The following TTYH2 variants were observed in gnomAD, a reference collection of about 807,000 sequenced individuals.
TTYH2 encodes the protein protein tweety homolog 2.
TTYH2 carries 49 observed loss-of-function variants against 68.3 expected under a neutral mutation model. That is an observed-to-expected ratio of 0.72 (90% CI 0.57 to 0.91). The LOEUF (loss-of-function observed/expected upper bound fraction) is 0.91, where lower values mean the gene tolerates loss of function less well. Among genes scored for constraint, TTYH2 ranks in the 40% least tolerant of loss-of-function variants. TTYH2 has a pLI of 0.00. For missense variants in TTYH2, 631 were observed against 700.4 expected (o/e 0.90, Z 1.12); for synonymous variants, 272 against 300.8 (o/e 0.90, Z 0.99).
At chr17:74,249,888 TCCTGGGAGACGGAGCCTCACTGTGGGG>T (rs2050601410) in intron 8 of TTYH2, 21 bp from the exon 9 acceptor site, 1 of 1,484,862 alleles carries the variant, frequency 6.7e-7, no homozygotes, top group South Asian at 1.1e-5. Flanking sequence ...ACTGTGGGGC[TCCTGGGAGACGGAGCCTCACTGTGGGG>T]CTGTGTCTTT....
intron 10 of TTYH2, chr17:74,251,973 C>T (rs765513951): frequency 2.1e-6 from 1 of 481,910 alleles, no homozygotes; most frequent in Non-Finnish European, 3.8e-6. Flanking sequence ...CTGCAACCTC[C>T]TCCGCCCTGT....
chr17:74,223,397 A>C (rs1652394838), intron 2 of TTYH2, among the ~76,000 whole-genome samples: 1 of 152,012 alleles, frequency 6.6e-6, no homozygotes, highest in African/African-American at 2.4e-5. Context: ...AAGTGCTGGG[A>C]TTACAGGCGT....
At chr17:74,253,355 C>A in intron 12 of TTYH2, 89 bp downstream of exon 12, 1 of 1,451,060 alleles carries the variant, frequency 6.9e-7, no homozygotes, top group Non-Finnish European at 9.1e-7. Context: ...GGGAGGAAGG[C>A]ATCCAAGGCC....
rs2050504277 is a variant in TTYH2 at position 74,241,832 on chromosome 17, A to G, written c.636-1542A>G. ...GTCCACTCTCCCGCTGGTGCCCAGC[A>G]CAGGGTAAAGGGCATGGCTGCCAGG... On this transcript the variant is annotated intron_variant, in intron 4 of 13. Transcript: ENST00000269346. This position sits in a 1 kb window ranked among gnomAD's most constrained non-coding sequence, Gnocchi z 4.1. 6.6e-6 allele frequency among the ~76,000 whole-genome samples: 1 copy of G among 152,240 alleles called. No homozygotes were observed. Among genetic ancestry groups the G allele is most frequent in the African/African-American group, 2.4e-5 (1 of 41,464 alleles).
At position 74,260,262 on chromosome 17, in the gene TTYH2, C is replaced by CA. The variant is rs1017546977; in HGVS notation, c.*56dup. 2 of 1,556,320 alleles carry CA rather than the reference C, an allele frequency of 1.3e-6. No homozygotes were observed. The highest frequency in any genetic ancestry group is 2.7e-5 in the African/African-American group (2 of 73,646). On this transcript the variant is annotated 3_prime_UTR_variant, in exon 14 of 14. Transcript: ENST00000269346. The stretch of plus-strand genomic sequence containing the variant: ...TTTCCGTTCTGGTTTTTAATTAGTG[C>CA]AAATACAAGCTGCGTTTCTTTAATA...
Position 74,260,649 on chromosome 17 carries a change from G to A in TTYH2, c.*440G>A, listed in dbSNP as rs543410463. On this transcript the variant is annotated 3_prime_UTR_variant, in exon 14 of 14. Coordinates refer to ENST00000269346, the MANE Select transcript of TTYH2 (RefSeq NM_032646.6). Reference sequence around the variant, plus strand: ...GAGCCCAGACGACCCCTCTGTCCTCGTTCCCTGTCCTCGTTCCCTGCAGGT... The same window carrying A: ...GAGCCCAGACGACCCCTCTGTCCTCATTCCCTGTCCTCGTTCCCTGCAGGT... 2.9e-5 allele frequency: 6 copies of A among 205,922 alleles called. 1 individual carries two copies. The highest frequency in any genetic ancestry group is 1.8e-4 in the South Asian group (2 of 11,018). 12.8% of individuals were successfully genotyped at this position (205,922 alleles called of 1,614,324 possible).
chr17:74,260,002 G>T (rs148393475), intron 13 of TTYH2, 127 bp from the exon 14 acceptor site: 2 of 779,588 alleles, frequency 2.6e-6, no homozygotes, highest in Non-Finnish European at 4.5e-6. Context: ...TGGATGTGGG[G>T]TGGAGGCACG....
rs780100468 is a variant in TTYH2, at chr17:74,253,779, G to A, written c.1470G>A (p.Arg490=). Residue 490 remains arginine (R), a synonymous_variant, in exon 13 of 14, where the codon AGG becomes AGA. Transcript: ENST00000269346. The part of the protein sequence containing the change: ...EYMNQAMLFG[R]NPRYENVPLI... The stretch of plus-strand genomic sequence containing the variant: ...GGAACCAAGCCATGCTCTTTGGTAG[G>A]AACCCACGCTACGAGAACGTGCCAC... 1 of 1,614,154 alleles carries A rather than the reference G, an allele frequency of 6.2e-7. No individual in the cohort carries two copies. Among genetic ancestry groups the A allele is most frequent in the Non-Finnish European group, 8.5e-7 (1 of 1,180,038 alleles).
At position 74,243,313 on chromosome 17, in the gene TTYH2, G is replaced by A. The variant is rs7223898; in HGVS notation, c.636-61G>A. ...CAGGGCTGCCGTGCAGGCCTCTCAC[G>A]TGGCCAGCAGGTCAGAAGTTCCACC... is the stretch of plus-strand genomic sequence containing the variant. On this transcript the variant is annotated intron_variant, in intron 4 of 13. Transcript: ENST00000269346. The A allele has an allele frequency of 5.2e-3, 7,441 of 1,425,602 alleles. 203 individuals are homozygous for A. In the African/African-American group the frequency reaches 0.066, roughly 13 times the overall value. The allele number at this position is 1,425,602 out of a possible 1,614,324, so 88.3% of individuals were successfully genotyped here.
intron 1 of TTYH2, among the ~76,000 whole-genome samples, chr17:74,219,138 AC>A (rs2050250001): frequency 6.6e-6 from 1 of 151,372 alleles, no homozygotes; most frequent in Non-Finnish European, 1.5e-5. Context: ...AATCACTTGA[AC>A]CTGGGAGGCG....
intron 2 of TTYH2, among the ~76,000 whole-genome samples, chr17:74,227,987 T>TC (rs1048607080): frequency 1.3e-4 from 19 of 142,388 alleles, no homozygotes; most frequent in Non-Finnish European, 2.7e-4. Flanking sequence ...TTCTTTCTTT[T>TC]TTTTTTTTTT....
rs1297590504 is a variant in TTYH2, at chr17:74,232,609, AG to A, written c.414+1613del. Among the ~76,000 whole-genome samples, 1 of 152,020 alleles carries A rather than the reference AG, an allele frequency of 6.6e-6. No homozygotes were observed. The highest frequency in any genetic ancestry group is 1.5e-5 in the Non-Finnish European group (1 of 67,954). ...CCCTTGCCCCAGGCCCTGGTGGGGA[AG>A]GGCCCCATGGTCACTGCCCTCTAGG... On this transcript the variant is annotated intron_variant, in intron 3 of 13. Transcript: ENST00000269346. The surrounding 1 kb of genome is among the most constrained non-coding windows in gnomAD (Gnocchi z 5.1).
rs1014041052 is a variant in TTYH2 at position 74,249,254 on chromosome 17, G to C, written c.875-90G>C. The stretch of plus-strand genomic sequence containing the variant: ...GTGCCTCCCTTGGGAGCTCAGGGAC[G>C]GGGAGGGAGGTCTGGCTTGGCCACC... On this transcript the variant is annotated intron_variant, in intron 7 of 13. Coordinates refer to ENST00000269346, the MANE Select transcript of TTYH2 (RefSeq NM_032646.6). 32 of 1,578,856 alleles carry C rather than the reference G, an allele frequency of 2.0e-5. 1 individual carries two copies. In the South Asian group the frequency reaches 2.4e-4, roughly 12 times the overall value.
rs564810560 is a variant in TTYH2, at chr17:74,220,926, A to G, written c.130-1559A>G. Among the ~76,000 whole-genome samples, 3 of 152,260 alleles carry G rather than the reference A, an allele frequency of 2.0e-5. No homozygotes were observed. The East Asian group carries it at 5.8e-4, about 29-fold the overall frequency. On this transcript the variant is annotated intron_variant, in intron 1 of 13. Coordinates refer to ENST00000269346, the MANE Select transcript of TTYH2 (RefSeq NM_032646.6). ...CTCAGCCTCCTGAGTAGCTGAGACT[A>G]CAGGCAGATGCCACCATGCCCAGCT...
At position 74,230,907 on chromosome 17, in the gene TTYH2, T is replaced by G; in HGVS notation, c.322T>G (p.Phe108Val). The G allele has an allele frequency of 1.9e-6, 3 of 1,614,128 alleles. No individual in the cohort carries two copies. Among genetic ancestry groups the G allele is most frequent in the Non-Finnish European group, 2.5e-6 (3 of 1,180,006 alleles). ...TTATAGTGCTGCGGTGGGCGTTGGT[T>G]TCTATGGAAACAGCGAGACCAACGA... is the stretch of plus-strand genomic sequence containing the variant. ...LICCAAVGVG[F>V]YGNSETNDGA... Residue 108 changes from phenylalanine (F) to valine (V), a missense_variant, in exon 3 of 14, where the codon TTC becomes GTC. Physicochemically the swap from Phe to Val is conservative, Grantham distance 50. Coordinates refer to ENST00000269346, the MANE Select transcript of TTYH2 (RefSeq NM_032646.6).
chr17:74,249,184 C>T (rs1598230122), intron 7 of TTYH2, 104 bp downstream of exon 7: 1 of 1,575,698 alleles, frequency 6.3e-7, no homozygotes, highest in South Asian at 1.1e-5. Context: ...CCTCCTCAAC[C>T]CTGAACTTCA....
chr17:74,245,759 G>A (rs1206632060), intron 6 of TTYH2, among the ~76,000 whole-genome samples: 1 of 152,214 alleles, frequency 6.6e-6, no homozygotes, highest in African/African-American at 2.4e-5. Context: ...GAGCCAGGAG[G>A]GCGGGGAGGG....
Position 74,231,852 on chromosome 17 carries a change from C to T in TTYH2, c.414+853C>T, listed in dbSNP as rs559698207. On this transcript the variant is annotated intron_variant, in intron 3 of 13. Transcript: ENST00000269346. ...GACTCTTAGGGGAAGGGGAAGGCTACTCTGCCAAGCCAGGGCTGGATTTTG... is the reference window on the plus strand; with the variant it reads ...GACTCTTAGGGGAAGGGGAAGGCTATTCTGCCAAGCCAGGGCTGGATTTTG... Among the ~76,000 whole-genome samples the T allele has an allele frequency of 1.2e-4, 18 of 152,234 alleles. 1 individual carries two copies. In the South Asian group the frequency reaches 3.5e-3, roughly 30 times the overall value.
rs35999669 is a variant in TTYH2 at position 74,244,038 on chromosome 17, T to G, written c.793T>G (p.Ser265Ala). Residue 265 changes from serine to alanine, a missense_variant, in exon 6 of 14, where the codon TCT becomes GCT. Physicochemically the swap from Ser to Ala is moderately conservative, Grantham distance 99. Transcript: ENST00000269346. The part of the protein sequence containing the change: ...LSWASLAADG[S>A]AAVATSDFCV... ...TTGGGCATCCCTGGCCGCTGATGGC[T>G]CTGCGGCAGTGGTGAGTTGGGGGAG... 628,975 of 1,610,120 alleles carry G rather than the reference T, an allele frequency of 0.39. 127,562 individuals carry two copies. Among genetic ancestry groups the G allele is most frequent in the African/African-American group, 0.6 (45,202 of 74,926 alleles).
Sources: gnomAD v4.1 joint callset for allele counts (sites outside exome capture counted in the v4.1 genomes callset) on GRCh38, gnomAD v4.1.1 for gene constraint, Gnocchi (gnomAD v3.1) non-coding constraint, MANE v1.5 for transcripts, NCBI Gene and HGNC (gene_info 2026-07-23, HGNC 2026-07-21) for gene names.